The following ARSJ variants were observed in gnomAD, a reference collection of about 807,000 sequenced individuals.
The protein encoded by ARSJ is arylsulfatase family member J.
In ARSJ, 26 loss-of-function variants were observed where a neutral mutation model predicts 35.9. The observed-to-expected ratio is 0.72, with a 90% CI of 0.53 to 1.00. ARSJ has a LOEUF of 1.00. Among genes scored for constraint, ARSJ ranks in the 50% least tolerant of loss-of-function variants. The pLI is 0.00. For missense variants in ARSJ, 667 were observed against 723.6 expected (o/e 0.92, Z 0.90); for synonymous variants, 294 against 267.6 (o/e 1.10, Z -0.96).
At chr4:113,956,987 A>G (rs1193155322) in intron 1 of ARSJ, among the ~76,000 whole-genome samples, 24 of 152,070 alleles carry the variant, frequency 1.6e-4, no homozygotes, top group Non-Finnish European at 1.5e-5. Context: ...ACTGGTGGCA[A>G]TGCAGTATTT....
chr4:113,918,303 C>A (rs774783577), intron 1 of ARSJ, among the ~76,000 whole-genome samples: 10 of 152,064 alleles, frequency 6.6e-5, no homozygotes, highest in Non-Finnish European at 1.0e-4. Flanking sequence ...GAAAAAATGA[C>A]AAATAATGCT....
At chr4:113,912,199 A>T (rs1423971388) in intron 1 of ARSJ, among the ~76,000 whole-genome samples, 1 of 152,214 alleles carries the variant, frequency 6.6e-6, no homozygotes, top group Non-Finnish European at 1.5e-5. Flanking sequence ...GGAGCCCAGG[A>T]TATACCATCA....
intron 1 of ARSJ, among the ~76,000 whole-genome samples, chr4:113,935,586 C>T (rs1459689940): frequency 1.3e-5 from 2 of 151,852 alleles, no homozygotes; most frequent in Non-Finnish European, 2.9e-5. Flanking sequence ...CTGAGTCTTA[C>T]CATTCTGGCT....
At chr4:113,961,049 C>T (rs10016249) in intron 1 of ARSJ, among the ~76,000 whole-genome samples, 5,691 of 151,988 alleles carry the variant, frequency 0.037, 340 homozygotes, top group African/African-American at 0.12. Context: ...ACATAGGTAA[C>T]GTGAACTGGG....
chr4:113,959,561 T>G (rs1466744402), intron 1 of ARSJ, among the ~76,000 whole-genome samples: 1 of 152,074 alleles, frequency 6.6e-6, no homozygotes, highest in East Asian at 1.9e-4. Context: ...ATGTCTTATC[T>G]TTTCTGAATT....
At chr4:113,920,802 T>G (rs925565417) in intron 1 of ARSJ, among the ~76,000 whole-genome samples, 2 of 152,216 alleles carry the variant, frequency 1.3e-5, no homozygotes, top group African/African-American at 4.8e-5. Flanking sequence ...CATCATCCTA[T>G]TTTAGAGTAA....
intron 1 of ARSJ, among the ~76,000 whole-genome samples, chr4:113,930,725 C>G (rs986175444): frequency 6.6e-6 from 1 of 151,040 alleles, no homozygotes; most frequent in Admixed American, 6.6e-5. Flanking sequence ...CACATGCACA[C>G]GTATGTTTAT....
At chr4:113,930,655 C>T (rs1188960657) in intron 1 of ARSJ, among the ~76,000 whole-genome samples, 2 of 151,868 alleles carry the variant, frequency 1.3e-5, no homozygotes, top group African/African-American at 4.8e-5. Context: ...TACCATTTGA[C>T]CCGGCCATCC....
chr4:113,978,830 GC>G lies in ARSJ; in HGVS notation c.4del (p.Ala2LeufsTer24). On this transcript the variant is annotated frameshift_variant, in exon 1 of 2. Coordinates refer to ENST00000315366, the MANE Select transcript of ARSJ (RefSeq NM_024590.4). LOFTEE classifies it high-confidence loss of function. Reference sequence around the variant, plus strand: ...CGGATGCCCCGCACAGCCCCTGGGAGCCATTCACTCAGGTCCCAGGTGAGAC... The same window carrying G: ...CGGATGCCCCGCACAGCCCCTGGGAGCATTCACTCAGGTCCCAGGTGAGAC... M[A>X]PRGCAGHPPP... 6.3e-7 allele frequency: 1 copy of G among 1,598,440 alleles called. No individual in the cohort carries two copies. Among genetic ancestry groups the G allele is most frequent in the Non-Finnish European group, 8.5e-7 (1 of 1,173,434 alleles).
At chr4:113,948,362 C>A (rs983392072) in intron 1 of ARSJ, among the ~76,000 whole-genome samples, 1 of 151,986 alleles carries the variant, frequency 6.6e-6, no homozygotes, top group Non-Finnish European at 1.5e-5. Flanking sequence ...TTACTGACAT[C>A]AACAGGAAAT....
chr4:113,936,304 G>T (rs758418374), intron 1 of ARSJ, among the ~76,000 whole-genome samples: 1 of 151,846 alleles, frequency 6.6e-6, no homozygotes, highest in South Asian at 2.1e-4. Context: ...AGTGATATTT[G>T]TTGAGTTTTT....
At position 113,900,748 on chromosome 4, in the gene ARSJ, A is replaced by G. The variant is rs1046292292; in HGVS notation, c.*1526T>C. ...CTTCAAAGAAAACACCAGGGTCTAC[A>G]GGATCCACACCAATCTATGCTCATT... On this transcript the variant is annotated 3_prime_UTR_variant, in exon 2 of 2. Transcript: ENST00000315366. 4 of 152,138 alleles carry G rather than the reference A, an allele frequency of 2.6e-5. No homozygotes were observed. The highest frequency in any genetic ancestry group is 9.7e-5 in the African/African-American group (4 of 41,414). 9.4% of individuals were successfully genotyped at this position (152,138 alleles called of 1,614,324 possible).
intron 1 of ARSJ, among the ~76,000 whole-genome samples, chr4:113,918,647 T>G (rs4410591): frequency 6.6e-6 from 1 of 151,944 alleles, no homozygotes. Flanking sequence ...AAACATTCTT[T>G]CTTTAAATTT....
At chr4:113,927,192 G>A (rs1300843882) in intron 1 of ARSJ, among the ~76,000 whole-genome samples, 2 of 152,062 alleles carry the variant, frequency 1.3e-5, no homozygotes, top group East Asian at 3.9e-4. Context: ...GTTGTAGGAG[G>A]GGCCAAATGC....
At chr4:113,929,264 T>G (rs1292736020) in intron 1 of ARSJ, among the ~76,000 whole-genome samples, 1 of 152,142 alleles carries the variant, frequency 6.6e-6, no homozygotes, top group African/African-American at 2.4e-5. Flanking sequence ...CCACTGGGAC[T>G]TTAGTCTAGT....
At chr4:113,943,408 G>C (rs539039841) in intron 1 of ARSJ, 1 of 152,134 alleles carries the variant, frequency 6.6e-6, no homozygotes, top group Non-Finnish European at 1.5e-5. Context: ...TTCCCCAACT[G>C]AGCAGAATTC....
chr4:113,959,788 T>C (rs1245568294), intron 1 of ARSJ, among the ~76,000 whole-genome samples: 1 of 152,052 alleles, frequency 6.6e-6, no homozygotes, highest in Non-Finnish European at 1.5e-5. Flanking sequence ...TCAAATGGAA[T>C]TTGGTTTCTG....
At chr4:113,914,256 GC>G (rs1478505605) in intron 1 of ARSJ, among the ~76,000 whole-genome samples, 8 of 152,116 alleles carry the variant, frequency 5.3e-5, no homozygotes, top group Non-Finnish European at 8.8e-5. Flanking sequence ...ACATGTGTGA[GC>G]CACCACACCC....
intron 1 of ARSJ, among the ~76,000 whole-genome samples, chr4:113,926,058 T>C (rs1269555413): frequency 6.6e-6 from 1 of 151,992 alleles, no homozygotes; most frequent in Admixed American, 6.6e-5. Context: ...AGAGGCTGAG[T>C]CGTGTCTACA....
Sources: allele counts gnomAD v4.1 joint callset (sites outside exome capture counted in the v4.1 genomes callset), GRCh38; gene constraint gnomAD v4.1.1; transcripts MANE v1.5; gene names NCBI Gene and HGNC (gene_info 2026-07-23, HGNC 2026-07-21).